The following NPLOC4 variants were observed in gnomAD, a reference collection of about 807,000 sequenced individuals.
NPLOC4 encodes nuclear protein localization protein 4 homolog.
NPLOC4 carries 18 observed loss-of-function variants against 80.6 expected under a neutral mutation model. That is an observed-to-expected ratio of 0.22 (90% CI 0.15 to 0.33). The LOEUF is 0.33. Among genes scored for constraint, NPLOC4 ranks in the 10% least tolerant of loss-of-function variants. NPLOC4 has a pLI of 1.00. For missense variants in NPLOC4, 540 were observed against 786.1 expected, an observed-to-expected ratio of 0.69 and a Z score of 3.74; for synonymous variants, 313 against 301.5, an observed-to-expected ratio of 1.04 and a Z score of -0.39.
intron 4 of NPLOC4, 80 bp from the exon 5 acceptor site, chr17:81,610,338 T>C (rs1289135093): frequency 3.1e-6 from 4 of 1,292,076 alleles, no homozygotes; most frequent in Non-Finnish European, 4.4e-6. Context: ...ATGCACGTCC[T>C]ACTTTAACAG....
intron 2 of NPLOC4, among the ~76,000 whole-genome samples, chr17:81,627,610 A>G (rs1598690685): frequency 6.6e-6 from 1 of 151,392 alleles, no homozygotes; most frequent in African/African-American, 2.4e-5. Flanking sequence ...TTGGTGGCGT[A>G]TGCCTGTAAT....
intron 11 of NPLOC4, among the ~76,000 whole-genome samples, chr17:81,592,169 C>T (rs2034768149): frequency 6.6e-6 from 1 of 152,212 alleles, no homozygotes; most frequent in East Asian, 1.9e-4. Flanking sequence ...GCGCCCCGCA[C>T]CCTATGCCAC....
chr17:81,584,279 G>C (rs947722047), intron 12 of NPLOC4, among the ~76,000 whole-genome samples: 1 of 152,192 alleles, frequency 6.6e-6, no homozygotes, highest in African/African-American at 2.4e-5. Flanking sequence ...ACAATTCTGG[G>C]AAGTATTTCT....
chr17:81,636,966 C>A lies in NPLOC4; in HGVS notation c.-36G>T, dbSNP rs906667368. 2 of 1,250,768 alleles carry A rather than the reference C, an allele frequency of 1.6e-6. No individual in the cohort carries two copies. The highest frequency in any genetic ancestry group is 4.0e-5 in the Admixed American group (1 of 24,954). 77.5% of individuals were successfully genotyped at this position (1,250,768 alleles called of 1,614,324 possible). On this transcript the variant is annotated 5_prime_UTR_variant, in exon 1 of 17. Transcript: ENST00000331134. ...CCTGCCTCCGGGCTCGAGCCCCGGGCCGCCGCCGCCTGCCGCCCCAAGGGC... is the reference window on the plus strand; with the variant it reads ...CCTGCCTCCGGGCTCGAGCCCCGGGACGCCGCCGCCTGCCGCCCCAAGGGC...
In NPLOC4 at chr17:81,565,618, C is replaced by G. The variant is rs773777582; in HGVS notation, c.1567-11G>C. The G allele has an allele frequency of 7.2e-6, 11 of 1,534,640 alleles. No individual in the cohort carries two copies. The East Asian group carries it at 2.4e-4, about 34-fold the overall frequency. On this transcript the variant is annotated splice_polypyrimidine_tract_variant and intron_variant, in intron 15 of 16. Coordinates refer to ENST00000331134, the MANE Select transcript of NPLOC4 (RefSeq NM_017921.4). Reference sequence around the variant, plus strand: ...CAAGCTGATGCTGTCCTACAAGAAGCCAAAAGGAAGGTTCCTCTTCGCTGT... The same window carrying G: ...CAAGCTGATGCTGTCCTACAAGAAGGCAAAAGGAAGGTTCCTCTTCGCTGT...
At chr17:81,622,542 A>G (rs1330739397) in intron 2 of NPLOC4, among the ~76,000 whole-genome samples, 1 of 152,208 alleles carries the variant, frequency 6.6e-6, no homozygotes, top group Non-Finnish European at 1.5e-5. Context: ...GAAGCAAACA[A>G]GAGTTAATGG....
intron 12 of NPLOC4, among the ~76,000 whole-genome samples, chr17:81,574,136 G>A (rs1260036368): frequency 6.6e-6 from 1 of 152,226 alleles, no homozygotes; most frequent in Non-Finnish European, 1.5e-5. Context: ...GCCCCTACAA[G>A]AAATAAACCT....
At position 81,603,606 on chromosome 17, in the gene NPLOC4, T is replaced by C. The variant is rs1020140155; in HGVS notation, c.834+942A>G. 5.3e-5 allele frequency among the ~76,000 whole-genome samples: 8 copies of C among 152,038 alleles called. No individual in the cohort carries two copies. The East Asian group carries it at 7.7e-4, about 15-fold the overall frequency. On this transcript the variant is annotated intron_variant, in intron 8 of 16. Transcript: ENST00000331134. ...GCAAGACTCATCTCTAAAAAATAAATAAATAAAAATTAAAAATTTCTAACA... is the reference window on the plus strand; with the variant it reads ...GCAAGACTCATCTCTAAAAAATAAACAAATAAAAATTAAAAATTTCTAACA...
chr17:81,633,649 C>T (rs1016693984), intron 1 of NPLOC4, among the ~76,000 whole-genome samples: 1 of 152,166 alleles, frequency 6.6e-6, no homozygotes, highest in Non-Finnish European at 1.5e-5. Context: ...GAAAATAAGA[C>T]TAGAACGCTT....
intron 11 of NPLOC4, among the ~76,000 whole-genome samples, chr17:81,593,277 G>T (rs1169278553): frequency 6.6e-6 from 1 of 152,042 alleles, no homozygotes; most frequent in Non-Finnish European, 1.5e-5. Context: ...TGGGTGGGGA[G>T]CTGCTGAGCC....
chr17:81,600,214 C>T, intron 9 of NPLOC4, 127 bp downstream of exon 9: 1 of 679,492 alleles, frequency 1.5e-6, no homozygotes, highest in Non-Finnish European at 2.7e-6. Context: ...AGTGCCTGCA[C>T]CTGACCTTGT....
Position 81,567,786 on chromosome 17 carries a change from A to G in NPLOC4, c.1450-253T>C. The G allele has an allele frequency of 2.5e-6, 1 of 407,282 alleles. No homozygotes were observed. Among genetic ancestry groups the G allele is most frequent in the Non-Finnish European group, 4.5e-6 (1 of 221,536 alleles). The allele number at this position is 407,282 out of a possible 1,614,324, so 25.2% of individuals were successfully genotyped here. On this transcript the variant is annotated intron_variant, in intron 14 of 16. Transcript: ENST00000331134. The surrounding 1 kb of genome is among the most constrained non-coding windows in gnomAD (Gnocchi z 4.5). ...GATGTGCAAGGAGACATGCTTATAAAGCTGACTCAGACTGGCCAGGTGTGG... is the reference window on the plus strand; with the variant it reads ...GATGTGCAAGGAGACATGCTTATAAGGCTGACTCAGACTGGCCAGGTGTGG...
intron 5 of NPLOC4, 94 bp from the exon 6 acceptor site, chr17:81,608,916 T>C (rs1426779155): frequency 6.4e-6 from 6 of 943,730 alleles, no homozygotes; most frequent in Non-Finnish European, 9.9e-6. Context: ...GCCAGCAGCA[T>C]GGCCTTGGCA....
At chr17:81,586,969 C>A (rs1335912376) in intron 12 of NPLOC4, among the ~76,000 whole-genome samples, 2 of 152,186 alleles carry the variant, frequency 1.3e-5, no homozygotes, top group African/African-American at 2.4e-5. Flanking sequence ...AAGAAAACAC[C>A]CTGCTGGAGT....
intron 8 of NPLOC4, among the ~76,000 whole-genome samples, chr17:81,602,155 C>A (rs7503280): frequency 0.14 from 21,667 of 152,088 alleles, 1,837 homozygotes; most frequent in Admixed American, 0.23. Context: ...TGGCATACAC[C>A]GATAGTCCCA....
intron 3 of NPLOC4, among the ~76,000 whole-genome samples, chr17:81,620,898 C>G (rs568953862): frequency 1.3e-5 from 2 of 151,858 alleles, no homozygotes; most frequent in Admixed American, 1.3e-4. Context: ...AAAAATGTGC[C>G]TGTAGTCCCA....
intron 10 of NPLOC4, 140 bp from the exon 11 acceptor site, chr17:81,596,382 A>C: frequency 1.1e-6 from 1 of 928,184 alleles, no homozygotes; most frequent in Non-Finnish European, 1.6e-6. Flanking sequence ...TGGAGGCGGG[A>C]GGTCCACTTG....
intron 11 of NPLOC4, among the ~76,000 whole-genome samples, chr17:81,591,462 A>ACCAACAAACAAACAAAC (rs2034740492): frequency 6.6e-6 from 1 of 150,846 alleles, no homozygotes; most frequent in African/African-American, 2.4e-5. Flanking sequence ...AAAAAAAAAA[A>ACCAACAAACAAACAAAC]AAAAAAAAAA....
At chr17:81,617,938 C>T (rs1217647326) in intron 3 of NPLOC4, among the ~76,000 whole-genome samples, 25 of 152,324 alleles carry the variant, frequency 1.6e-4, no homozygotes, top group South Asian at 4.1e-4. Flanking sequence ...GGATTGCAGA[C>T]GGAGTCTCGT....
Sources: gnomAD v4.1 joint callset for allele counts (sites outside exome capture counted in the v4.1 genomes callset) on GRCh38, gnomAD v4.1.1 for gene constraint, Gnocchi (gnomAD v3.1) non-coding constraint, MANE v1.5 for transcripts, NCBI Gene and HGNC (gene_info 2026-07-23, HGNC 2026-07-21) for gene names.